CASP10: variants seen among roughly 807,000 people sequenced by gnomAD.
CASP10 encodes the protein caspase-10.
In CASP10, 41 loss-of-function variants were observed where a neutral mutation model predicts 48.5. That is an observed-to-expected ratio of 0.85 (90% confidence interval 0.66 to 1.10). The LOEUF (loss-of-function observed/expected upper bound fraction) is 1.10, where lower values mean the gene tolerates loss of function less well. Among genes scored for constraint, CASP10 ranks in the 50% least tolerant of loss-of-function variants. The pLI, the probability that CASP10 is intolerant of heterozygous loss-of-function variation, is 0.00. For missense variants in CASP10, 614 were observed against 614.5 expected, an observed-to-expected ratio of 1.00 and a Z score of 0.01; for synonymous variants, 232 against 238.4, an observed-to-expected ratio of 0.97 and a Z score of 0.25.
chr2:201,224,272 A>G (rs1337691918), downstream of CASP10, among the ~76,000 whole-genome samples: 1 of 151,612 alleles, frequency 6.6e-6, no homozygotes, highest in Non-Finnish European at 1.5e-5. Flanking sequence ...TGCCTGGCCA[A>G]AAAAAAATGG....
intron 3 of CASP10, 114 bp downstream of exon 3, chr2:201,187,913 A>G (rs1489086566): frequency 3.8e-6 from 3 of 779,792 alleles, no homozygotes; most frequent in African/African-American, 1.7e-5. Context: ...AGTATCATAC[A>G]ATGGTTACGA....
intron 3 of CASP10, 79 bp from the exon 4 acceptor site, chr2:201,192,905 C>T: frequency 2.1e-6 from 3 of 1,449,484 alleles, no homozygotes; most frequent in Non-Finnish European, 2.9e-6. Flanking sequence ...AACCTAGTGC[C>T]TACTGGCCAT....
intron 9 of CASP10, 36 bp from the exon 10 acceptor site, chr2:201,217,552 C>A: frequency 6.7e-7 from 1 of 1,485,368 alleles, no homozygotes; most frequent in Non-Finnish European, 9.4e-7. Context: ...GAGTGAGACT[C>A]CGTAAAAAAA....
rs41506545 is a variant in CASP10, at chr2:201,218,474, AT to A, written c.*741del. On this transcript the variant is annotated 3_prime_UTR_variant, in exon 10 of 10. Coordinates refer to ENST00000286186, the MANE Select transcript of CASP10 (RefSeq NM_032977.4). ...TGTGTCCATGCACAGCTAACTTTTT[AT>A]TTTTTTTGTGGAGATGGGGTTTCAC... 15,309 of 694,362 alleles carry A rather than the reference AT, an allele frequency of 0.022. 206 individuals carry two copies. The highest frequency in any genetic ancestry group is 0.039 in the Middle Eastern group (54 of 1,378). 43.0% of individuals were successfully genotyped at this position (694,362 alleles called of 1,614,324 possible). A position where few individuals can be genotyped will look rare whatever the true frequency, so the allele number is the denominator to read the frequency against.
At chr2:201,200,834 T>C in intron 5 of CASP10, 1 of 757,714 alleles carries the variant, frequency 1.3e-6, no homozygotes, top group Non-Finnish European at 1.6e-6. Context: ...TTCTTTTCTC[T>C]AGGAAAATAG....
chr2:201,186,319 A>G (rs1944414817), intron 2 of CASP10, 195 bp downstream of exon 2: 2 of 578,418 alleles, frequency 3.5e-6, no homozygotes, highest in African/African-American at 1.9e-5. Context: ...CAAAGCTTCA[A>G]GACCAAGCCC....
chr2:201,199,224 CCA>C (rs1183288188), intron 5 of CASP10, among the ~76,000 whole-genome samples: 2 of 152,110 alleles, frequency 1.3e-5, no homozygotes, highest in Non-Finnish European at 2.9e-5. Context: ...ATTATCAATG[CCA>C]GTAAAGTTAT....
intron 7 of CASP10, among the ~76,000 whole-genome samples, chr2:201,206,976 A>C: frequency 6.6e-6 from 1 of 152,144 alleles, no homozygotes; most frequent in East Asian, 1.9e-4. Context: ...AACTGTCATG[A>C]TTGAGCTTCT....
At chr2:201,207,145 C>G (rs1424848745) in intron 7 of CASP10, among the ~76,000 whole-genome samples, 1 of 152,124 alleles carries the variant, frequency 6.6e-6, no homozygotes, top group Non-Finnish European at 1.5e-5. Flanking sequence ...ATCTTTAGTG[C>G]AAATGAGATT....
At chr2:201,204,686 G>T (rs1945139408) in intron 6 of CASP10, among the ~76,000 whole-genome samples, 1 of 152,194 alleles carries the variant, frequency 6.6e-6, no homozygotes, top group Non-Finnish European at 1.5e-5. Flanking sequence ...TCTGATTCCA[G>T]AGCTTACTCT....
chr2:201,198,808 G>A lies in CASP10; in HGVS notation c.684+2860G>A, dbSNP rs183857743. Among the ~76,000 whole-genome samples the A allele has an allele frequency of 2.3e-3, 353 of 152,160 alleles. 4 individuals are homozygous for A. The highest frequency in any genetic ancestry group is 8.0e-3 in the African/African-American group (331 of 41,548). ...ACCCGCCTCAGCCTCCCAAAGTGCT[G>A]GGATTACAGGCGTGAGCCACCGCGC... On this transcript the variant is annotated intron_variant, in intron 5 of 9. Coordinates refer to ENST00000286186, the MANE Select transcript of CASP10 (RefSeq NM_032977.4).
At chr2:201,208,529 A>G (rs1203283197) in intron 8 of CASP10, 1 of 179,360 alleles carries the variant, frequency 5.6e-6, no homozygotes, top group East Asian at 1.9e-4. Flanking sequence ...AGGATGAAAC[A>G]CTGGCCACTG....
At chr2:201,214,698 A>G (rs1945512864) in intron 9 of CASP10, 1 of 152,172 alleles carries the variant, frequency 6.6e-6, no homozygotes, top group African/African-American at 2.4e-5. Flanking sequence ...TCTAAGCCAT[A>G]TATGTTGGAA....
intron 4 of CASP10, among the ~76,000 whole-genome samples, chr2:201,193,904 G>A (rs899501203): frequency 6.6e-6 from 1 of 152,072 alleles, no homozygotes; most frequent in African/African-American, 2.4e-5. Context: ...TCTGTAAAGT[G>A]GGCATAATAA....
chr2:201,228,564 A>G (rs1945818700), intron 9 of CASP10, among the ~76,000 whole-genome samples: 1 of 152,168 alleles, frequency 6.6e-6, no homozygotes, highest in East Asian at 1.9e-4. Flanking sequence ...AATGTTGCTG[A>G]GAGTGATGGA....
chr2:201,196,512 T>G (rs970799502), intron 5 of CASP10, among the ~76,000 whole-genome samples: 1 of 152,178 alleles, frequency 6.6e-6, no homozygotes, highest in Non-Finnish European at 1.5e-5. Flanking sequence ...TTGCAGTCTG[T>G]TCCTCACCAT....
In CASP10 at chr2:201,217,820, G is replaced by A. The variant is rs543951171; in HGVS notation, c.*79G>A. 6.8e-6 allele frequency: 11 copies of A among 1,612,264 alleles called. No homozygotes were observed. The highest frequency in any genetic ancestry group is 2.2e-5 in the East Asian group (1 of 44,782). On this transcript the variant is annotated 3_prime_UTR_variant, in exon 10 of 10. Coordinates refer to ENST00000286186, the MANE Select transcript of CASP10 (RefSeq NM_032977.4). ...CAGCCTCCTGCCCAGCACAGGAATC[G>A]GTGGTCTCCACCTGTCATTCTAGAA...
intron 5 of CASP10, among the ~76,000 whole-genome samples, chr2:201,202,276 G>A (rs1945046878): frequency 2.0e-5 from 3 of 152,176 alleles, no homozygotes. Context: ...ATCAAAAGAA[G>A]TTGAAAGATG....
Position 201,221,182 on chromosome 2 carries a change from A to T in CASP10, c.*3441A>T, listed in dbSNP as rs937777759. 32 of 985,408 alleles carry T rather than the reference A, an allele frequency of 3.2e-5. No homozygotes were observed. Among genetic ancestry groups the T allele is most frequent in the Non-Finnish European group, 3.6e-5 (30 of 829,926 alleles). The allele number at this position is 985,408 out of a possible 1,614,324, so 61.0% of individuals were successfully genotyped here. On this transcript the variant is annotated 3_prime_UTR_variant, in exon 10 of 10. Coordinates refer to ENST00000286186, the MANE Select transcript of CASP10 (RefSeq NM_032977.4). ...TTAGCGGCAACTCAGCACTAGCATTACCCCTGACATACTCTGAGTAAGATC... is the reference window on the plus strand; with the variant it reads ...TTAGCGGCAACTCAGCACTAGCATTTCCCCTGACATACTCTGAGTAAGATC...
Sources: allele counts gnomAD v4.1 joint callset (sites outside exome capture counted in the v4.1 genomes callset), GRCh38; gene constraint gnomAD v4.1.1; transcripts MANE v1.5; gene names NCBI Gene and HGNC (gene_info 2026-07-23, HGNC 2026-07-21).